Variants in CD2AP observed in about 807,000 individuals in gnomAD.
CD2AP encodes CD2 associated protein, also known as CD2-associated protein.
Under a neutral mutation model 85.1 loss-of-function variants are expected in CD2AP, and 46 were observed. That is an observed-to-expected ratio of 0.54 (90% CI 0.43 to 0.69). The LOEUF is 0.69. CD2AP is among the 30% of genes least tolerant of loss of function. The probability of loss-of-function intolerance (pLI) is 0.00; values close to 1 mark genes in which losing one functional copy is unlikely to be tolerated. For synonymous variants in CD2AP, 255 were observed against 252.9 expected (o/e 1.01, Z -0.08); for missense variants, 769 against 729.5 (o/e 1.05, Z -0.62).
chr6:47,502,258 A>T (rs987075670), intron 1 of CD2AP, among the ~76,000 whole-genome samples: 6 of 152,044 alleles, frequency 3.9e-5, no homozygotes, highest in Non-Finnish European at 7.4e-5. Context: ...TCCTATTAAG[A>T]TGGGCATTAC....
At chr6:47,608,808 C>T (rs1769343904) in intron 15 of CD2AP, among the ~76,000 whole-genome samples, 1 of 152,088 alleles carries the variant, frequency 6.6e-6, no homozygotes. Flanking sequence ...CAAAGTAATA[C>T]CTTTATAATG....
At chr6:47,558,778 A>G (rs2114070129) in intron 5 of CD2AP, among the ~76,000 whole-genome samples, 1 of 152,108 alleles carries the variant, frequency 6.6e-6, no homozygotes, top group South Asian at 2.1e-4. Context: ...TTGGCCTGAA[A>G]TTTTCTTTTT....
chr6:47,569,521 C>T (rs1283125881), intron 5 of CD2AP, among the ~76,000 whole-genome samples: 1 of 151,106 alleles, frequency 6.6e-6, no homozygotes, highest in African/African-American at 2.4e-5. Flanking sequence ...TGCCATTTAT[C>T]CCTCTAGGCT....
chr6:47,572,239 G>A (rs1768176261), intron 5 of CD2AP, among the ~76,000 whole-genome samples: 1 of 152,166 alleles, frequency 6.6e-6, no homozygotes, highest in South Asian at 2.1e-4. Context: ...AGAAGCAGGG[G>A]CCGGGCGCAG....
intron 17 of CD2AP, among the ~76,000 whole-genome samples, chr6:47,620,140 C>T: frequency 6.6e-6 from 1 of 152,144 alleles, no homozygotes; most frequent in East Asian, 1.9e-4. Context: ...TTGCCTGTGC[C>T]AATAACTAGA....
chr6:47,505,011 CTTTTTTTTTTT>C (rs58060161), intron 2 of CD2AP, among the ~76,000 whole-genome samples: 28,460 of 96,192 alleles, frequency 0.3, 3,289 homozygotes, highest in Middle Eastern at 0.34. Context: ...GTGGCAGTTT[CTTTTTTTTTTT>C]TTTTTTTTTT....
intron 17 of CD2AP, 59 bp downstream of exon 17, chr6:47,612,595 C>A: frequency 8.4e-7 from 1 of 1,194,470 alleles, no homozygotes; most frequent in Non-Finnish European, 1.2e-6. Context: ...ATGTTTTTCC[C>A]AACCCAACTG....
chr6:47,479,403 T>TATA (rs1292906689), intron 1 of CD2AP, among the ~76,000 whole-genome samples: 1 of 152,216 alleles, frequency 6.6e-6, no homozygotes, highest in Non-Finnish European at 1.5e-5. Context: ...GCATATTGTT[T>TATA]ATAGACACTC....
chr6:47,616,653 T>G (rs1582630136), intron 17 of CD2AP, among the ~76,000 whole-genome samples: 1 of 152,336 alleles, frequency 6.6e-6, no homozygotes, highest in Admixed American at 6.5e-5. Context: ...CCCATTTAGG[T>G]CTAGCTGCCT....
Position 47,607,596 on chromosome 6 carries a change from T to C in CD2AP, c.1531-331T>C, listed in dbSNP as rs9395286. On this transcript the variant is annotated intron_variant, in intron 14 of 17. Coordinates refer to ENST00000359314, the MANE Select transcript of CD2AP (RefSeq NM_012120.3). ...TGTAGTACTTGTCCTCATGTCTAAA[T>C]GTATTAACTTCTTTGTATGCTTTTT... is the stretch of plus-strand genomic sequence containing the variant. 0.26 allele frequency among the ~76,000 whole-genome samples: 40,084 copies of C among 152,058 alleles called. 5,438 individuals are homozygous for C. The highest frequency in any genetic ancestry group is 0.31 in the African/African-American group (12,792 of 41,516).
chr6:47,513,085 G>A lies in CD2AP; in HGVS notation c.165+9645G>A, dbSNP rs555299735. Among the ~76,000 whole-genome samples the A allele has an allele frequency of 2.6e-5, 4 of 151,800 alleles. No individual in the cohort carries two copies. The South Asian group carries it at 8.3e-4, about 32-fold the overall frequency. ...AAGAAGAGCTGTAATAAAGATTGTA[G>A]GATTATGACTTCAGCAAGAAAATGG... On this transcript the variant is annotated intron_variant, in intron 2 of 17. Coordinates refer to ENST00000359314, the MANE Select transcript of CD2AP (RefSeq NM_012120.3).
rs550810602 is a variant in CD2AP at position 47,478,236 on chromosome 6, G to A, written c.-9G>A. The A allele has an allele frequency of 6.4e-5, 101 of 1,571,308 alleles. No homozygotes were observed. In the East Asian group the frequency reaches 2.3e-3, roughly 36 times the overall value. ...CGGACGTCGGCTTCTCCCCGCGGGA[G>A]CCCCCAGCATGGGTAAGAGACTCGG... On this transcript the variant is annotated 5_prime_UTR_variant, in exon 1 of 18. Coordinates refer to ENST00000359314, the MANE Select transcript of CD2AP (RefSeq NM_012120.3).
intron 13 of CD2AP, among the ~76,000 whole-genome samples, chr6:47,604,362 T>C (rs932930600): frequency 7.2e-5 from 11 of 152,112 alleles, no homozygotes; most frequent in Non-Finnish European, 1.2e-4. Flanking sequence ...GTTACTTGTC[T>C]TGGTGTCATA....
chr6:47,536,583 T>C (rs1006812080), intron 3 of CD2AP, among the ~76,000 whole-genome samples: 2 of 152,174 alleles, frequency 1.3e-5, no homozygotes, highest in African/African-American at 2.4e-5. Context: ...ATATTGGCTT[T>C]TTTGGGATAG....
At chr6:47,481,475 A>G (rs990302612) in intron 1 of CD2AP, among the ~76,000 whole-genome samples, 3 of 152,014 alleles carry the variant, frequency 2.0e-5, no homozygotes, top group Non-Finnish European at 4.4e-5. Context: ...CCTCCTCAGT[A>G]GCTGGGATTA....
intron 2 of CD2AP, among the ~76,000 whole-genome samples, chr6:47,516,444 C>A (rs1443335609): frequency 6.6e-6 from 1 of 152,152 alleles, no homozygotes; most frequent in Admixed American, 6.5e-5. Flanking sequence ...ATCAAAGGGG[C>A]AGAAAAATAT....
intron 2 of CD2AP, among the ~76,000 whole-genome samples, chr6:47,526,074 A>G (rs146580154): frequency 1.0e-3 from 157 of 152,310 alleles, no homozygotes; most frequent in African/African-American, 3.6e-3. Flanking sequence ...TCTTTTGGTA[A>G]AAGTGAATGA....
chr6:47,594,319 G>T (rs924924354), intron 11 of CD2AP, among the ~76,000 whole-genome samples: 1 of 151,954 alleles, frequency 6.6e-6, no homozygotes, highest in East Asian at 1.9e-4. Flanking sequence ...TAAATATGTT[G>T]CCATCTTATA....
intron 17 of CD2AP, among the ~76,000 whole-genome samples, chr6:47,622,101 C>T (rs1024649442): frequency 2.6e-5 from 4 of 152,186 alleles, no homozygotes; most frequent in Non-Finnish European, 5.9e-5. Flanking sequence ...TATGCTGAAT[C>T]ATGCTGGTTG....
Sources: allele counts gnomAD v4.1 joint callset (sites outside exome capture counted in the v4.1 genomes callset), GRCh38; gene constraint gnomAD v4.1.1; transcripts MANE v1.5; gene names NCBI Gene and HGNC (gene_info 2026-07-23, HGNC 2026-07-21).